GLT1D1: variants seen among roughly 807,000 people sequenced by gnomAD.
The protein encoded by GLT1D1 is glycosyltransferase 1 domain containing 1.
A neutral mutation model predicts 28.7 loss-of-function variants in GLT1D1; 21 were observed. That is an observed-to-expected ratio of 0.73 (90% CI 0.52 to 1.05). The LOEUF (loss-of-function observed/expected upper bound fraction) is 1.05. GLT1D1 is among the 50% of genes least tolerant of loss of function. The pLI, the probability that GLT1D1 is intolerant of heterozygous loss-of-function variation, is 0.00. For missense variants in GLT1D1, 343 were observed against 330.6 expected (o/e 1.04, Z -0.29); for synonymous variants, 147 against 124.8 (o/e 1.18, Z -1.19).
chr12:128,915,134 A>T, intron 4 of GLT1D1, 145 bp downstream of exon 6: 1 of 639,808 alleles, frequency 1.6e-6, no homozygotes, highest in Non-Finnish European at 2.7e-6. Flanking sequence ...CTTCATGAGT[A>T]GTTTTATCCT....
chr12:128,939,776 C>T (rs912961245), intron 4 of GLT1D1, among the ~76,000 whole-genome samples: 4 of 151,300 alleles, frequency 2.6e-5, no homozygotes, highest in Non-Finnish European at 5.9e-5. Flanking sequence ...ATTTAAACAG[C>T]CAAATCTCCT....
At chr12:128,924,369 C>T (rs1872967374) in intron 4 of GLT1D1, among the ~76,000 whole-genome samples, 1 of 149,812 alleles carries the variant, frequency 6.7e-6, no homozygotes, top group East Asian at 2.0e-4. Flanking sequence ...GGAGGTTGCA[C>T]TGAGCCGAGA....
At chr12:128,880,372 G>A (rs906747225) in intron 2 of GLT1D1, among the ~76,000 whole-genome samples, 9 of 152,266 alleles carry the variant, frequency 5.9e-5, no homozygotes, top group African/African-American at 2.2e-4. Flanking sequence ...GAGAACTGAA[G>A]CCATGCTTAC....
At chr12:128,974,191 A>T (rs1373653155) in intron 7 of GLT1D1, among the ~76,000 whole-genome samples, 1 of 152,064 alleles carries the variant, frequency 6.6e-6, no homozygotes, top group Non-Finnish European at 1.5e-5. Flanking sequence ...CGCTTGGAAA[A>T]CATGCAGTCG....
intron 4 of GLT1D1, among the ~76,000 whole-genome samples, chr12:128,905,946 C>G (rs1187624604): frequency 3.3e-5 from 5 of 152,014 alleles, no homozygotes; most frequent in Admixed American, 1.3e-4. Flanking sequence ...ATCCTCTCCC[C>G]CTCAGCCTCC....
chr12:128,857,245 A>G (rs1043454126), intron 1 of GLT1D1, among the ~76,000 whole-genome samples: 2 of 152,080 alleles, frequency 1.3e-5, no homozygotes, highest in African/African-American at 4.8e-5. Context: ...TGCACTTTTG[A>G]AAGTGCCTGT....
chr12:128,866,686 T>C (rs1956533431), intron 1 of GLT1D1, among the ~76,000 whole-genome samples: 1 of 150,944 alleles, frequency 6.6e-6, no homozygotes, highest in Non-Finnish European at 1.5e-5. Context: ...AGTGGCACGA[T>C]CTTAGCTCAT....
chr12:128,920,959 T>C (rs573599799), intron 4 of GLT1D1, among the ~76,000 whole-genome samples: 1 of 152,316 alleles, frequency 6.6e-6, no homozygotes, highest in East Asian at 1.9e-4. Context: ...CAGGCCAACC[T>C]TATTTAATAG....
At chr12:128,919,410 G>C (rs1424470803) in intron 4 of GLT1D1, among the ~76,000 whole-genome samples, 1 of 152,138 alleles carries the variant, frequency 6.6e-6, no homozygotes, top group Non-Finnish European at 1.5e-5. Context: ...TAGTCACCAG[G>C]GTGTGTAGTG....
chr12:128,933,366 A>C (rs1452419336), intron 4 of GLT1D1, among the ~76,000 whole-genome samples: 1 of 152,284 alleles, frequency 6.6e-6, no homozygotes, highest in Non-Finnish European at 1.5e-5. Flanking sequence ...GTCAGAAACA[A>C]GCTCTATTGA....
In GLT1D1 at chr12:128,955,051, G is replaced by A. The variant is rs563193629; in HGVS notation, c.541-2494G>A. Among the ~76,000 whole-genome samples the A allele has an allele frequency of 3.3e-5, 5 of 152,236 alleles. No homozygotes were observed. The South Asian group carries it at 6.2e-4, about 19-fold the overall frequency. On this transcript the variant is annotated intron_variant, in intron 6 of 7. Transcript: ENST00000281703. ...GATTTTATTGTCTCTGTTTACCTCA[G>A]GGGAAACAGTCAAACAGCTGGGGAA... is the stretch of plus-strand genomic sequence containing the variant.
intron 4 of GLT1D1, 73 bp from the exon 8 acceptor site, chr12:128,927,032 G>T: frequency 1.1e-6 from 1 of 939,276 alleles, no homozygotes; most frequent in South Asian, 1.5e-5. Flanking sequence ...AATTTATATT[G>T]AAGTTAGTTG....
chr12:128,979,720 T>G (rs1880133038), intron 7 of GLT1D1, among the ~76,000 whole-genome samples: 1 of 151,370 alleles, frequency 6.6e-6, no homozygotes, highest in Admixed American at 6.6e-5. Context: ...ACCACTCTAC[T>G]CCAGCCTGGG....
intron 3 of GLT1D1, among the ~76,000 whole-genome samples, chr12:128,896,458 C>T (rs1020187561): frequency 1.3e-5 from 2 of 151,586 alleles, no homozygotes; most frequent in Non-Finnish European, 1.5e-5. Flanking sequence ...GTACTTCATG[C>T]GTGCTTTAAC....
intron 7 of GLT1D1, among the ~76,000 whole-genome samples, chr12:128,961,738 A>T (rs1877968114): frequency 6.6e-6 from 1 of 152,162 alleles, no homozygotes; most frequent in Non-Finnish European, 1.5e-5. Context: ...TTCCCTCTTC[A>T]GTTCACAGAT....
chr12:128,870,662 G>C (rs1956659472), intron 1 of GLT1D1, among the ~76,000 whole-genome samples: 1 of 152,142 alleles, frequency 6.6e-6, no homozygotes, highest in Non-Finnish European at 1.5e-5. Context: ...GAATATTTAT[G>C]AGATTGCAAA....
chr12:128,945,588 C>T (rs1208703728), intron 5 of GLT1D1, among the ~76,000 whole-genome samples: 3 of 152,210 alleles, frequency 2.0e-5, no homozygotes, highest in Non-Finnish European at 2.9e-5. Flanking sequence ...TTTAATGGAT[C>T]ACATTGGCCA....
intron 2 of GLT1D1, among the ~76,000 whole-genome samples, chr12:128,881,561 AATATATATATATATATATAT>A (rs1174737837): frequency 3.0e-5 from 1 of 33,730 alleles, no homozygotes; most frequent in Non-Finnish European, 5.2e-5. Context: ...AAAAAAAAAA[AATATATATATATATATATAT>A]ATATATATAT....
intron 4 of GLT1D1, among the ~76,000 whole-genome samples, chr12:128,932,151 A>G (rs1477368251): frequency 6.6e-6 from 1 of 152,154 alleles, no homozygotes; most frequent in Non-Finnish European, 1.5e-5. Context: ...CCGCGATGGA[A>G]AGCCCCGTCT....
Sources: allele counts gnomAD v4.1 joint callset (sites outside exome capture counted in the v4.1 genomes callset), GRCh38; gene constraint gnomAD v4.1.1; transcripts MANE v1.5; gene names NCBI Gene and HGNC (gene_info 2026-07-23, HGNC 2026-07-21).